The following UNC80 variants were observed in gnomAD, a reference collection of about 807,000 sequenced individuals.
UNC80 encodes the protein unc-80 subunit of NALCN channel complex.
Under a neutral mutation model 384.6 loss-of-function variants are expected in UNC80, and 164 were observed. The observed-to-expected ratio is 0.43, with a 90% CI of 0.38 to 0.49. UNC80 has a LOEUF of 0.49. Among genes scored for constraint, UNC80 ranks in the 20% least tolerant of loss-of-function variants. The probability of loss-of-function intolerance (pLI) is 0.00; values close to 1 mark genes in which losing one functional copy is unlikely to be tolerated. For missense variants in UNC80, 3,330 were observed against 4,143.0 expected, an observed-to-expected ratio of 0.80 and a Z score of 5.39; for synonymous variants, 1,486 against 1,527.8, an observed-to-expected ratio of 0.97 and a Z score of 0.64.
At chr2:209,888,540 A>T (rs1226770107) in intron 26 of UNC80, among the ~76,000 whole-genome samples, 1 of 152,186 alleles carries the variant, frequency 6.6e-6, no homozygotes, top group African/African-American at 2.4e-5. Flanking sequence ...AATACTCCCA[A>T]TTGAACTTTT....
chr2:209,891,745 A>G (rs372668403), intron 26 of UNC80, among the ~76,000 whole-genome samples: 1 of 152,162 alleles, frequency 6.6e-6, no homozygotes, highest in Admixed American at 6.6e-5. Flanking sequence ...TATCCATAAA[A>G]TGTCCTTAAT....
intron 51 of UNC80, among the ~76,000 whole-genome samples, chr2:209,963,090 G>A (rs1465234160): frequency 1.3e-5 from 2 of 152,228 alleles, no homozygotes; most frequent in African/African-American, 4.8e-5. Context: ...TGATTACAAG[G>A]CTCTTGAAGA....
intron 30 of UNC80, 130 bp from the exon 31 acceptor site, chr2:209,913,672 C>T (rs2089210608): frequency 2.3e-6 from 2 of 877,244 alleles, no homozygotes; most frequent in Admixed American, 2.9e-5. Context: ...TAAATATGCT[C>T]CCATTTTAGA....
intron 59 of UNC80, among the ~76,000 whole-genome samples, chr2:209,979,431 A>C (rs2093100526): frequency 6.6e-6 from 1 of 152,144 alleles, no homozygotes; most frequent in South Asian, 2.1e-4. Context: ...AGCAAGGAAA[A>C]GTGAGCCGTG....
Position 209,976,791 on chromosome 2 carries a change from C to A in UNC80, c.8773-122C>A. ...ATTAAGCACTTCCTGTGTAAAGTGC[C>A]GTTCTAGGAACATCACATGCATTAC... On this transcript the variant is annotated intron_variant, in intron 57 of 64. Transcript: ENST00000673920. This position sits in a 1 kb window ranked among gnomAD's most constrained non-coding sequence, Gnocchi z 4.3. 9.0e-7 allele frequency: 1 copy of A among 1,114,030 alleles called. No homozygotes were observed. Among genetic ancestry groups the A allele is most frequent in the Non-Finnish European group, 1.2e-6 (1 of 807,952 alleles). The allele number at this position is 1,114,030 out of a possible 1,614,324, so 69.0% of individuals were successfully genotyped here. A position where few individuals can be genotyped will look rare whatever the true frequency, so the allele number is the denominator to read the frequency against.
At chr2:209,906,770 T>C (rs181675043) in intron 29 of UNC80, among the ~76,000 whole-genome samples, 8 of 152,316 alleles carry the variant, frequency 5.3e-5, no homozygotes, top group Admixed American at 2.0e-4. Context: ...TATATGTATA[T>C]ACATTGTATA....
intron 13 of UNC80, among the ~76,000 whole-genome samples, chr2:209,821,986 G>A (rs1186130907): frequency 6.6e-6 from 1 of 152,102 alleles, no homozygotes; most frequent in African/African-American, 2.4e-5. Context: ...ATCTGAGCAA[G>A]CGTTGCAATA....
In UNC80 at chr2:209,941,309, G is replaced by A. The variant is rs1226150302; in HGVS notation, c.6735G>A (p.Glu2245=). ...LEEMFLGMPS[E]FPWGDEIMLF... is the part of the protein sequence containing the mutation. ...AAATGTTCCTGGGCATGCCGAGCGAGTTTCCATGGGGAGACGAAATCATGC... is the reference window on the plus strand; with the variant it reads ...AAATGTTCCTGGGCATGCCGAGCGAATTTCCATGGGGAGACGAAATCATGC... The change falls in exon 44 of 65, where the codon GAG becomes GAA. Residue 2245 remains glutamate (E), a synonymous_variant. Transcript: ENST00000673920. The A allele has an allele frequency of 1.3e-6, 2 of 1,549,092 alleles. No homozygotes were observed. The highest frequency in any genetic ancestry group is 1.7e-6 in the Non-Finnish European group (2 of 1,144,794).
chr2:209,970,671 C>T (rs2092858394), intron 53 of UNC80, among the ~76,000 whole-genome samples, 161 bp from the exon 54 acceptor site: 2 of 152,232 alleles, frequency 1.3e-5, no homozygotes, highest in Admixed American at 1.3e-4. Flanking sequence ...TGACTCCAGA[C>T]ATTACATGCC....
chr2:209,994,367 C>A, intron 64 of UNC80, 103 bp downstream of exon 64: 1 of 1,065,602 alleles, frequency 9.4e-7, no homozygotes, highest in Non-Finnish European at 1.3e-6. Context: ...TCCAGGTCTG[C>A]AATGCTTTGT....
intron 20 of UNC80, among the ~76,000 whole-genome samples, chr2:209,842,042 A>G (rs1240543733): frequency 6.6e-6 from 1 of 152,160 alleles, no homozygotes; most frequent in Non-Finnish European, 1.5e-5. Context: ...ATGTCTCGCT[A>G]TTCATTAATT....
Position 209,818,983 on chromosome 2 carries a change from A to G in UNC80, c.1694-10A>G, listed in dbSNP as rs1296097737. The G allele has an allele frequency of 2.6e-6, 4 of 1,549,988 alleles. No individual in the cohort carries two copies. Among genetic ancestry groups the G allele is most frequent in the Non-Finnish European group, 3.5e-6 (4 of 1,145,722 alleles). ...TAGGGAGAACTAAGACATTGCTTTC[A>G]TTTTATTAGTGCGATCTCAGATCTC... is the stretch of plus-strand genomic sequence containing the variant. On this transcript the variant is annotated splice_polypyrimidine_tract_variant and intron_variant, in intron 11 of 64. Coordinates refer to ENST00000673920, the MANE Select transcript of UNC80 (RefSeq NM_001371986.1).
chr2:209,784,138 A>T (rs1287666802), intron 4 of UNC80, among the ~76,000 whole-genome samples: 1 of 152,110 alleles, frequency 6.6e-6, no homozygotes, highest in African/African-American at 2.4e-5. Flanking sequence ...ACTATTAGCA[A>T]TTTCTGTAAG....
chr2:209,990,337 G>A (rs2093369500), intron 61 of UNC80, among the ~76,000 whole-genome samples: 1 of 152,078 alleles, frequency 6.6e-6, no homozygotes, highest in Non-Finnish European at 1.5e-5. Context: ...TATTCTAGAA[G>A]CAATAAACTC....
chr2:209,865,462 C>G (rs1056749051), intron 22 of UNC80, among the ~76,000 whole-genome samples: 8 of 151,774 alleles, frequency 5.3e-5, no homozygotes, highest in African/African-American at 1.9e-4. Flanking sequence ...ATTAGCCAGG[C>G]GTTGTGGCGG....
chr2:209,973,338 G>C (rs2092930621), intron 56 of UNC80, 68 bp downstream of exon 56: 1 of 1,306,146 alleles, frequency 7.7e-7, no homozygotes, highest in African/African-American at 1.5e-5. Flanking sequence ...AAATATATGT[G>C]TAGATAGATA....
chr2:209,960,922 C>T (rs1444553556), intron 51 of UNC80: 1 of 152,240 alleles, frequency 6.6e-6, no homozygotes, highest in African/African-American at 2.4e-5. Context: ...TCAGCCCCTC[C>T]ACTTCCTTTC....
chr2:209,878,655 A>G (rs1464420224), intron 24 of UNC80, among the ~76,000 whole-genome samples: 1 of 152,216 alleles, frequency 6.6e-6, no homozygotes, highest in Admixed American at 6.5e-5. Flanking sequence ...ATAGAATTTC[A>G]TCATAGAAAA....
chr2:209,868,518 A>G (rs1045504190), intron 22 of UNC80, among the ~76,000 whole-genome samples: 1 of 152,228 alleles, frequency 6.6e-6, no homozygotes, highest in African/African-American at 2.4e-5. Context: ...CCCAGGCAAA[A>G]TAAAGCACAG....
Sources: gnomAD v4.1 joint callset for allele counts (sites outside exome capture counted in the v4.1 genomes callset) on GRCh38, gnomAD v4.1.1 for gene constraint, Gnocchi (gnomAD v3.1) non-coding constraint, MANE v1.5 for transcripts, NCBI Gene and HGNC (gene_info 2026-07-23, HGNC 2026-07-21) for gene names.